COL5A2: variants seen among roughly 807,000 people sequenced by gnomAD.
The protein encoded by COL5A2 is collagen alpha-2(V) chain.
Under a neutral mutation model 208.2 loss-of-function variants are expected in COL5A2, and 23 were observed. The ratio of observed to expected loss-of-function variants is 0.11; its 90% CI spans 0.08 to 0.16. The LOEUF is 0.16. Ranked by LOEUF, COL5A2 falls within the 10% of genes least tolerant of loss-of-function variation. The pLI is 1.00. For synonymous variants in COL5A2, 625 were observed against 628.5 expected, an observed-to-expected ratio of 0.99 and a Z score of 0.08; for missense variants, 1,590 against 1,956.4, an observed-to-expected ratio of 0.81 and a Z score of 3.53.
At chr2:189,115,951 G>A (rs1687380829) in intron 1 of COL5A2, among the ~76,000 whole-genome samples, 1 of 152,178 alleles carries the variant, frequency 6.6e-6, no homozygotes, top group African/African-American at 2.4e-5. Flanking sequence ...CTTACCAGGT[G>A]TGTCCCTGAC....
At chr2:189,131,924 T>A (rs928399549) in intron 1 of COL5A2, among the ~76,000 whole-genome samples, 5 of 152,208 alleles carry the variant, frequency 3.3e-5, no homozygotes, top group African/African-American at 9.7e-5. Flanking sequence ...TACCTAAATA[T>A]TTCAAACAAG....
the COL5A2 span, among the ~76,000 whole-genome samples, chr2:189,263,013 T>A: frequency 6.6e-6 from 1 of 152,158 alleles, no homozygotes; most frequent in Non-Finnish European, 1.5e-5. Context: ...TTTGCATATA[T>A]AATGAAGTTG....
At chr2:189,205,609 G>C (rs1480787036) in intron 1 of COL5A2, among the ~76,000 whole-genome samples, 1 of 152,110 alleles carries the variant, frequency 6.6e-6, no homozygotes, top group Non-Finnish European at 1.5e-5. Flanking sequence ...CCCTTGAATG[G>C]AAAATGGAAG....
At chr2:189,053,570 C>T (rs1685837116) in intron 37 of COL5A2, 93 bp from the exon 38 acceptor site, 6 of 1,135,930 alleles carry the variant, frequency 5.3e-6, no homozygotes, top group Non-Finnish European at 7.9e-6. Context: ...GATAGTTAGA[C>T]ATGTAAATAT....
chr2:189,169,206 A>T (rs1688525911), intron 1 of COL5A2, among the ~76,000 whole-genome samples: 1 of 152,206 alleles, frequency 6.6e-6, no homozygotes, highest in Admixed American at 6.5e-5. Context: ...TATGATTATC[A>T]TAGTTTCACA....
chr2:189,380,807 A>G, the COL5A2 span, among the ~76,000 whole-genome samples: 3 of 151,998 alleles, frequency 2.0e-5, no homozygotes, highest in Non-Finnish European at 4.4e-5. Flanking sequence ...TCTTCTTGGA[A>G]TATAATCCAA....
At chr2:189,248,553 A>C in the COL5A2 span, among the ~76,000 whole-genome samples, 1 of 152,192 alleles carries the variant, frequency 6.6e-6, no homozygotes, top group African/African-American at 2.4e-5. Context: ...GTATTTCATC[A>C]TCATGAGTTT....
chr2:189,078,218 T>C (rs997112752), intron 16 of COL5A2, among the ~76,000 whole-genome samples: 1 of 152,194 alleles, frequency 6.6e-6, no homozygotes, highest in East Asian at 1.9e-4. Flanking sequence ...TGTTTTTCTA[T>C]GGACTATATT....
chr2:189,105,364 C>G (rs1687128878), intron 2 of COL5A2, among the ~76,000 whole-genome samples: 1 of 151,496 alleles, frequency 6.6e-6, no homozygotes, highest in Non-Finnish European at 1.5e-5. Flanking sequence ...TGCAGTGATA[C>G]CCAGTATGCT....
chr2:189,275,498 G>C, the COL5A2 span, among the ~76,000 whole-genome samples: 1 of 142,946 alleles, frequency 7.0e-6, no homozygotes, highest in Non-Finnish European at 1.5e-5. Context: ...CTGTTGCACA[G>C]GCTGGAGTGC....
At chr2:189,171,218 G>A (rs12618438) in intron 1 of COL5A2, among the ~76,000 whole-genome samples, 89,840 of 151,616 alleles carry the variant, frequency 0.59, 27,733 homozygotes, top group East Asian at 0.72. Flanking sequence ...CTCAGAAATG[G>A]GCTAGATCAG....
At chr2:189,192,616 T>C (rs1303416178) in intron 1 of COL5A2, among the ~76,000 whole-genome samples, 1 of 152,232 alleles carries the variant, frequency 6.6e-6, no homozygotes, top group Non-Finnish European at 1.5e-5. Context: ...AGTGATTCAA[T>C]ACAAATAGAG....
chr2:189,315,346 T>C, the COL5A2 span, among the ~76,000 whole-genome samples: 1 of 152,226 alleles, frequency 6.6e-6, no homozygotes, highest in South Asian at 2.1e-4. Context: ...CATGATTATC[T>C]CAATAGATGC....
intron 1 of COL5A2, among the ~76,000 whole-genome samples, chr2:189,202,433 A>C (rs1297976424): frequency 6.6e-6 from 1 of 152,146 alleles, no homozygotes; most frequent in East Asian, 1.9e-4. Flanking sequence ...TGAATGAAAG[A>C]GAGGTGAGAA....
rs1686063655 is a variant in COL5A2 at position 189,062,845 on chromosome 2, C to T, written c.1977+20G>A. ...GTGTATATATATATTCTCACACACA[C>T]ACACACAAAAATCACATACCGGCGG... On this transcript the variant is annotated intron_variant, in intron 29 of 53. Transcript: ENST00000374866. The T allele has an allele frequency of 6.2e-7, 1 of 1,614,078 alleles. No individual in the cohort carries two copies. Among genetic ancestry groups the T allele is most frequent in the African/African-American group, 1.3e-5 (1 of 75,020 alleles).
chr2:189,257,269 A>G, the COL5A2 span, among the ~76,000 whole-genome samples: 4 of 152,168 alleles, frequency 2.6e-5, no homozygotes, highest in Non-Finnish European at 2.9e-5. Flanking sequence ...TAGAAAATGT[A>G]TTTTATAGAA....
At chr2:189,211,331 A>G (rs917654800) in intron 1 of COL5A2, among the ~76,000 whole-genome samples, 4 of 152,176 alleles carry the variant, frequency 2.6e-5, no homozygotes, top group Non-Finnish European at 4.4e-5. Context: ...CTCTCCAACA[A>G]CCAGTAGGTG....
Position 189,078,584 on chromosome 2 carries a change from G to A in COL5A2, c.1006-15C>T. ...CCCCTCGGACCCTATAGACGATAGAGAAGAAATGTCTCTTGAAGCACCTAA... is the reference window on the plus strand; with the variant it reads ...CCCCTCGGACCCTATAGACGATAGAAAAGAAATGTCTCTTGAAGCACCTAA... On this transcript the variant is annotated splice_polypyrimidine_tract_variant and intron_variant, in intron 15 of 53. Coordinates refer to ENST00000374866, the MANE Select transcript of COL5A2 (RefSeq NM_000393.5). 3.1e-6 allele frequency: 5 copies of A among 1,607,862 alleles called. No individual in the cohort carries two copies. The highest frequency in any genetic ancestry group is 2.6e-6 in the Non-Finnish European group (3 of 1,174,440).
intron 31 of COL5A2, among the ~76,000 whole-genome samples, chr2:189,059,307 A>C (rs892445480): frequency 2.6e-5 from 4 of 152,104 alleles, no homozygotes; most frequent in Admixed American, 1.3e-4. Flanking sequence ...ATCCAATTCT[A>C]CTCAATTAAG....
Sources: allele counts gnomAD v4.1 joint callset (sites outside exome capture counted in the v4.1 genomes callset), GRCh38; gene constraint gnomAD v4.1.1; transcripts MANE v1.5; gene names NCBI Gene and HGNC (gene_info 2026-07-23, HGNC 2026-07-21).